The following SLC44A5 variants were observed in gnomAD, a reference collection of about 807,000 sequenced individuals.
The protein encoded by SLC44A5 is solute carrier family 44 member 5, also known as choline transporter-like protein 5.
A neutral mutation model predicts 101.8 loss-of-function variants in SLC44A5; 57 were observed. That is an observed-to-expected ratio of 0.56 (90% CI 0.45 to 0.70). The LOEUF is 0.70. Ranked by LOEUF, SLC44A5 falls within the 30% of genes least tolerant of loss-of-function variation. SLC44A5 has a pLI of 0.00. For missense variants in SLC44A5, 737 were observed against 853.1 expected, an observed-to-expected ratio of 0.86 and a Z score of 1.70; for synonymous variants, 281 against 290.9, an observed-to-expected ratio of 0.97 and a Z score of 0.35.
the SLC44A5 span, chr1:75,641,577 C>G: frequency 6.6e-7 from 1 of 1,512,978 alleles, no homozygotes; most frequent in East Asian, 2.3e-5. Context: ...TCTACATGAT[C>G]TTCCCCTTCA....
intron 1 of SLC44A5, among the ~76,000 whole-genome samples, chr1:75,586,591 T>C (rs377129892): frequency 3.3e-5 from 5 of 152,154 alleles, no homozygotes; most frequent in African/African-American, 1.2e-4. Flanking sequence ...GATTACTCCT[T>C]TCTCAACAAG....
At chr1:75,249,428 A>C (rs993375548) in intron 7 of SLC44A5, among the ~76,000 whole-genome samples, 2 of 152,128 alleles carry the variant, frequency 1.3e-5, no homozygotes, top group African/African-American at 4.8e-5. Flanking sequence ...AGTGAGCTTC[A>C]AAGCAATATG....
At chr1:75,285,167 C>T (rs1652935987) in intron 5 of SLC44A5, among the ~76,000 whole-genome samples, 1 of 151,746 alleles carries the variant, frequency 6.6e-6, no homozygotes, top group South Asian at 2.1e-4. Context: ...TTAAAATTAT[C>T]ATTTCAATCT....
chr1:75,523,203 T>C (rs550273884), intron 2 of SLC44A5, among the ~76,000 whole-genome samples: 2 of 152,190 alleles, frequency 1.3e-5, no homozygotes, highest in Non-Finnish European at 2.9e-5. Flanking sequence ...CAATGACTAG[T>C]GCATGAGAGT....
At chr1:75,362,644 C>A (rs1200180736) in intron 3 of SLC44A5, among the ~76,000 whole-genome samples, 1 of 151,804 alleles carries the variant, frequency 6.6e-6, no homozygotes, top group Non-Finnish European at 1.5e-5. Context: ...TAGTTTTGTA[C>A]CACTGTGAAC....
At chr1:75,589,970 T>C (rs1674252882) in intron 1 of SLC44A5, among the ~76,000 whole-genome samples, 2 of 152,044 alleles carry the variant, frequency 1.3e-5, no homozygotes, top group South Asian at 4.1e-4. Flanking sequence ...TAAGTAAATG[T>C]GAAAGGCAGT....
At chr1:75,240,345 A>G (rs1397756747) in intron 9 of SLC44A5, among the ~76,000 whole-genome samples, 2 of 152,004 alleles carry the variant, frequency 1.3e-5, no homozygotes, top group African/African-American at 4.8e-5. Flanking sequence ...GTGCTATTTA[A>G]TCTTATATTA....
At position 75,245,837 on chromosome 1, in the gene SLC44A5, A is replaced by G. The variant is rs141117179; in HGVS notation, c.346-2826T>C. Among the ~76,000 whole-genome samples, 284 of 152,264 alleles carry G rather than the reference A, an allele frequency of 1.9e-3. 1 individual carries two copies. The highest frequency in any genetic ancestry group is 6.0e-3 in the African/African-American group (248 of 41,578). ...CTATCAGACCAATTTGTTCACTTCA[A>G]ATAGGGTGCAGATTAGTAGTAATCA... On this transcript the variant is annotated intron_variant, in intron 7 of 23. Transcript: ENST00000370859.
At chr1:75,287,635 G>C (rs148800854) in intron 5 of SLC44A5, among the ~76,000 whole-genome samples, 29 of 151,996 alleles carry the variant, frequency 1.9e-4, no homozygotes, top group African/African-American at 7.0e-4. Context: ...TATCTCACAG[G>C]GTGCTTCCTT....
intron 6 of SLC44A5, among the ~76,000 whole-genome samples, chr1:75,271,497 T>TTGTGTGTGTGTGTGTGTGTG (rs4035634): frequency 1.4e-5 from 2 of 146,304 alleles, no homozygotes; most frequent in South Asian, 2.2e-4. Context: ...TCTGCATGTT[T>TTGTGTGTGTGTGTGTGTGTG]TGTGTGTGTG....
intron 13 of SLC44A5, among the ~76,000 whole-genome samples, chr1:75,223,706 C>T (rs1647136434): frequency 6.6e-6 from 1 of 152,156 alleles, no homozygotes; most frequent in Non-Finnish European, 1.5e-5. Flanking sequence ...GAAATTCTGA[C>T]ACATCACACA....
chr1:75,386,966 T>A (rs1472006968), intron 3 of SLC44A5, among the ~76,000 whole-genome samples: 1 of 151,966 alleles, frequency 6.6e-6, no homozygotes, highest in African/African-American at 2.4e-5. Flanking sequence ...GGGAAAGGAT[T>A]CCCTATTTAA....
intron 2 of SLC44A5, among the ~76,000 whole-genome samples, chr1:75,472,999 G>A (rs543091386): frequency 1.1e-4 from 16 of 152,120 alleles, no homozygotes; most frequent in Non-Finnish European, 2.2e-4. Context: ...CTATAAAACT[G>A]TTTTATGTTG....
chr1:75,254,325 C>T (rs907425748), intron 6 of SLC44A5, among the ~76,000 whole-genome samples: 2 of 152,152 alleles, frequency 1.3e-5, no homozygotes, highest in Non-Finnish European at 2.9e-5. Flanking sequence ...AGGCATGTGC[C>T]AGCGCACCCG....
the SLC44A5 span, among the ~76,000 whole-genome samples, chr1:75,697,685 C>T: frequency 6.6e-6 from 1 of 152,150 alleles, no homozygotes; most frequent in African/African-American, 2.4e-5. Flanking sequence ...CAGTCTACAG[C>T]TCCCAGCGTG....
chr1:75,324,314 G>A (rs1353971055), intron 4 of SLC44A5, among the ~76,000 whole-genome samples: 1 of 152,066 alleles, frequency 6.6e-6, no homozygotes, highest in Non-Finnish European at 1.5e-5. Context: ...GGGTAAGGAT[G>A]GTTAAGCCAG....
At chr1:75,648,102 C>A in the SLC44A5 span, among the ~76,000 whole-genome samples, 1 of 152,126 alleles carries the variant, frequency 6.6e-6, no homozygotes, top group African/African-American at 2.4e-5. Flanking sequence ...GGGAAGGGAT[C>A]ACATGGGAAG....
intron 7 of SLC44A5, among the ~76,000 whole-genome samples, chr1:75,249,097 G>A (rs961896962): frequency 1.3e-5 from 2 of 152,046 alleles, no homozygotes; most frequent in East Asian, 3.9e-4. Flanking sequence ...AAGGTCAAGG[G>A]TTTGCCCTTG....
chr1:75,442,460 A>G (rs1665264084), intron 2 of SLC44A5, among the ~76,000 whole-genome samples: 1 of 152,094 alleles, frequency 6.6e-6, no homozygotes, highest in Non-Finnish European at 1.5e-5. Flanking sequence ...TTGTCTGCTT[A>G]TTCCAATTTT....
Sources: allele counts gnomAD v4.1 joint callset (sites outside exome capture counted in the v4.1 genomes callset), GRCh38; gene constraint gnomAD v4.1.1; transcripts MANE v1.5; gene names NCBI Gene and HGNC (gene_info 2026-07-23, HGNC 2026-07-21).